CD226: variants seen among roughly 807,000 people sequenced by gnomAD.
CD226 encodes the protein CD226 molecule, also known as CD226 antigen.
In CD226, 24 loss-of-function variants were observed where a neutral mutation model predicts 34.9. The observed-to-expected ratio is 0.69, with a 90% CI of 0.50 to 0.97. The LOEUF is 0.97. CD226 is among the 50% of genes least tolerant of loss of function. CD226 has a pLI of 0.00. For synonymous variants in CD226, 148 were observed against 147.4 expected (o/e 1.00, Z -0.03); for missense variants, 397 against 412.7 (o/e 0.96, Z 0.33).
chr18:69,941,804 G>GT (rs2055728036), intron 2 of CD226, among the ~76,000 whole-genome samples: 2 of 152,300 alleles, frequency 1.3e-5, no homozygotes, highest in South Asian at 4.1e-4. Flanking sequence ...ATTTTGAAAT[G>GT]TGAGGGCATG....
chr18:69,938,179 C>A (rs564929549), intron 2 of CD226, among the ~76,000 whole-genome samples: 11 of 152,298 alleles, frequency 7.2e-5, no homozygotes, highest in Non-Finnish European at 8.8e-5. Flanking sequence ...ACAATACAGC[C>A]AACACAAAGT....
intron 2 of CD226, among the ~76,000 whole-genome samples, chr18:69,930,621 C>G (rs1301160210): frequency 6.6e-6 from 1 of 152,202 alleles, no homozygotes; most frequent in African/African-American, 2.4e-5. Context: ...AAAAGAAGAC[C>G]TTCCTCTTGT....
chr18:69,896,417 G>C (rs987022201), intron 2 of CD226, among the ~76,000 whole-genome samples: 1 of 152,204 alleles, frequency 6.6e-6, no homozygotes, highest in South Asian at 2.1e-4. Flanking sequence ...TCCTGACCTT[G>C]TGATCCGCCC....
At chr18:69,948,250 A>G (rs1156778486), upstream of CD226, among the ~76,000 whole-genome samples, 5 of 152,196 alleles carry the variant, frequency 3.3e-5, no homozygotes, top group Non-Finnish European at 7.3e-5. Context: ...TTCTCTTATA[A>G]AATACAAGTT....
chr18:69,903,247 C>T (rs144888087), intron 2 of CD226, among the ~76,000 whole-genome samples: 11 of 152,212 alleles, frequency 7.2e-5, no homozygotes, highest in Admixed American at 4.6e-4. Flanking sequence ...AAAAGACAGT[C>T]GTGGTGGACA....
intron 2 of CD226, among the ~76,000 whole-genome samples, chr18:69,926,966 C>T (rs563310742): frequency 6.6e-6 from 1 of 152,084 alleles, no homozygotes; most frequent in African/African-American, 2.4e-5. Context: ...GAATTGTTAA[C>T]AATGAAATTT....
At chr18:69,953,109 A>C (rs974145551) in intron 1 of CD226, among the ~76,000 whole-genome samples, 4 of 152,132 alleles carry the variant, frequency 2.6e-5, no homozygotes, top group African/African-American at 9.7e-5. Context: ...GTACTGTTGC[A>C]CAAGCGTTGT....
intron 2 of CD226, among the ~76,000 whole-genome samples, chr18:69,927,520 A>G (rs2039703369): frequency 6.6e-6 from 1 of 152,090 alleles, no homozygotes; most frequent in South Asian, 2.1e-4. Context: ...AATCCTACCC[A>G]TTAAACAACT....
intron 2 of CD226, among the ~76,000 whole-genome samples, chr18:69,927,185 G>A (rs1486750123): frequency 6.6e-6 from 1 of 152,128 alleles, no homozygotes; most frequent in East Asian, 1.9e-4. Flanking sequence ...ACCATATGAG[G>A]ACGCAGCAAG....
chr18:69,881,715 G>C (rs933649734), intron 3 of CD226, among the ~76,000 whole-genome samples: 7 of 152,128 alleles, frequency 4.6e-5, no homozygotes, highest in Non-Finnish European at 1.0e-4. Flanking sequence ...GTGTACAGCA[G>C]AGCATGCTTG....
chr18:69,878,325 T>C (rs2145202480), intron 3 of CD226, among the ~76,000 whole-genome samples: 1 of 152,226 alleles, frequency 6.6e-6, no homozygotes, highest in South Asian at 2.1e-4. Context: ...TTAAAACAAT[T>C]TAAAGCAAGT....
chr18:69,890,855 C>A (rs1263108593), intron 3 of CD226, among the ~76,000 whole-genome samples: 1 of 152,128 alleles, frequency 6.6e-6, no homozygotes, highest in African/African-American at 2.4e-5. Context: ...TGAATTCTAT[C>A]AAACATTCTA....
intron 2 of CD226, among the ~76,000 whole-genome samples, chr18:69,938,912 C>G (rs1157326652): frequency 6.6e-6 from 1 of 152,096 alleles, no homozygotes; most frequent in Non-Finnish European, 1.5e-5. Flanking sequence ...ATGGCAAAAC[C>G]CCCATCTCTA....
chr18:69,872,073 T>TGC (rs1029409020), intron 4 of CD226, among the ~76,000 whole-genome samples: 1 of 151,442 alleles, frequency 6.6e-6, no homozygotes. Context: ...TGTGTGTGTG[T>TGC]GTGTGTGTGT....
chr18:69,892,733 CAG>C (rs1375715380), intron 3 of CD226, among the ~76,000 whole-genome samples: 2 of 148,736 alleles, frequency 1.3e-5, no homozygotes, highest in East Asian at 3.9e-4. Flanking sequence ...AGGTAGGAGT[CAG>C]GGGAAGAGCC....
chr18:69,896,914 A>G (rs1229420960), intron 2 of CD226, among the ~76,000 whole-genome samples: 7 of 152,162 alleles, frequency 4.6e-5, no homozygotes, highest in Admixed American at 4.6e-4. Context: ...AAAGTCCAGT[A>G]TTCTCCCACC....
At chr18:69,944,346 C>T (rs748782323) in intron 2 of CD226, 2 of 152,160 alleles carry the variant, frequency 1.3e-5, no homozygotes, top group African/African-American at 2.4e-5. Context: ...TGAAAATCTC[C>T]ACATTGTATT....
intron 2 of CD226, among the ~76,000 whole-genome samples, chr18:69,905,247 C>G (rs752498037): frequency 6.6e-6 from 1 of 151,400 alleles, no homozygotes; most frequent in Non-Finnish European, 1.5e-5. Flanking sequence ...TCCAAGGATG[C>G]CTCTGCTCCT....
chr18:69,878,117 T>C (rs1416476914), intron 3 of CD226, among the ~76,000 whole-genome samples: 2 of 152,200 alleles, frequency 1.3e-5, no homozygotes, highest in African/African-American at 4.8e-5. Flanking sequence ...TGCTAATAGA[T>C]GTCAGATTGA....
Sources: allele counts gnomAD v4.1 joint callset (sites outside exome capture counted in the v4.1 genomes callset), GRCh38; gene constraint gnomAD v4.1.1; transcripts MANE v1.5; gene names NCBI Gene and HGNC (gene_info 2026-07-23, HGNC 2026-07-21).